Variants in ROR2 observed in about 807,000 individuals in gnomAD.
ROR2 encodes the protein ROR family WNT receptor 2, also known as tyrosine-protein kinase transmembrane receptor ROR2.
In ROR2, 33 loss-of-function variants were observed where a neutral mutation model predicts 74.9. The ratio of observed to expected loss-of-function variants is 0.44; its 90% CI spans 0.33 to 0.59. The LOEUF (loss-of-function observed/expected upper bound fraction) is 0.59, where lower values mean the gene tolerates loss of function less well. ROR2 is among the 20% of genes least tolerant of loss of function. The pLI, the probability that ROR2 is intolerant of heterozygous loss-of-function variation, is 0.02. For missense variants in ROR2, 1,216 were observed against 1,313.8 expected, an observed-to-expected ratio of 0.93 and a Z score of 1.15; for synonymous variants, 586 against 558.7, an observed-to-expected ratio of 1.05 and a Z score of -0.69.
At chr9:91,922,513 G>T (rs1564040776) in intron 1 of ROR2, among the ~76,000 whole-genome samples, 1 of 151,726 alleles carries the variant, frequency 6.6e-6, no homozygotes, top group East Asian at 1.9e-4. Context: ...GAGTGCAGTG[G>T]CATGATCTCA....
chr9:91,746,595 TG>T (rs1279377093), intron 4 of ROR2, among the ~76,000 whole-genome samples: 1 of 151,996 alleles, frequency 6.6e-6, no homozygotes, highest in Non-Finnish European at 1.5e-5. Context: ...TGGCGAGAGG[TG>T]CCTTCAAATC....
chr9:91,796,754 C>G (rs1259881979), intron 1 of ROR2, among the ~76,000 whole-genome samples: 1 of 148,054 alleles, frequency 6.8e-6, no homozygotes, highest in Admixed American at 6.7e-5. Flanking sequence ...GGGGCTGACA[C>G]CCTGCATTCT....
In ROR2 at chr9:91,757,513, G is replaced by A. The variant is rs778022378; in HGVS notation, c.222C>T (p.Val74=). 1.8e-5 allele frequency: 29 copies of A among 1,613,774 alleles called. No homozygotes were observed. The highest frequency in any genetic ancestry group is 2.4e-5 in the Non-Finnish European group (28 of 1,179,978). ...FLEPVNNITI[V]QGQTAILHCK... ...AGTGCAGAATTGCCGTCTGGCCTTG[G>A]ACAATGGTGATATTGTTTACTGGCT... Residue 74 remains valine (V), a synonymous_variant, in exon 3 of 9, where the codon GTC becomes GTT. Transcript: ENST00000375708.
At chr9:91,807,376 G>GTTA (rs2119086753) in intron 1 of ROR2, among the ~76,000 whole-genome samples, 1 of 152,316 alleles carries the variant, frequency 6.6e-6, no homozygotes, top group African/African-American at 2.4e-5. Flanking sequence ...CCTACACTGG[G>GTTA]GACCCTTCCA....
chr9:91,830,623 T>G (rs1281769825), intron 1 of ROR2, among the ~76,000 whole-genome samples: 1 of 152,156 alleles, frequency 6.6e-6, no homozygotes, highest in Admixed American at 6.5e-5. Flanking sequence ...AAACTGGGTA[T>G]AGTGGGCAAT....
At chr9:91,941,382 TTCACTAATGTG>T in intron 1 of ROR2, among the ~76,000 whole-genome samples, 1 of 152,336 alleles carries the variant, frequency 6.6e-6, no homozygotes, top group South Asian at 2.1e-4. Flanking sequence ...TTTGCCCAGG[TTCACTAATGTG>T]TCACTCTTGC....
rs544754984 is a variant in ROR2 at position 91,775,482 on chromosome 9, T to C, written c.175+259A>G. On this transcript the variant is annotated intron_variant, in intron 2 of 8. Coordinates refer to ENST00000375708, the MANE Select transcript of ROR2 (RefSeq NM_004560.4). Reference sequence around the variant, plus strand: ...AGCTCCTAAGGCTCCGCTCAGGCCCTTTCCCCATCTGCCAGGCCGCCATCT... The same window carrying C: ...AGCTCCTAAGGCTCCGCTCAGGCCCCTTCCCCATCTGCCAGGCCGCCATCT... Among the ~76,000 whole-genome samples, 245 of 152,080 alleles carry C rather than the reference T, an allele frequency of 1.6e-3. 1 individual carries two copies. Among genetic ancestry groups the C allele is most frequent in the African/African-American group, 5.7e-3 (237 of 41,480 alleles).
intron 1 of ROR2, among the ~76,000 whole-genome samples, chr9:91,847,588 A>G (rs1828968953): frequency 6.6e-6 from 1 of 151,748 alleles, no homozygotes; most frequent in South Asian, 2.1e-4. Flanking sequence ...CTTTCAAAGT[A>G]AGCCCAGGCA....
intron 1 of ROR2, among the ~76,000 whole-genome samples, chr9:91,902,690 G>GTCCC (rs776215059): frequency 1.4e-4 from 22 of 152,338 alleles, no homozygotes; most frequent in Non-Finnish European, 2.5e-4. Flanking sequence ...TAAGCTCACT[G>GTCCC]TAAGAAGAAA....
intron 1 of ROR2, among the ~76,000 whole-genome samples, chr9:91,855,830 C>T (rs1485313032): frequency 6.6e-6 from 1 of 152,026 alleles, no homozygotes; most frequent in Admixed American, 6.5e-5. Context: ...GGGGTCAGCA[C>T]CCCCAAGAGA....
intron 2 of ROR2, among the ~76,000 whole-genome samples, chr9:91,775,338 A>T (rs1442182596): frequency 6.6e-6 from 1 of 152,210 alleles, no homozygotes; most frequent in South Asian, 2.1e-4. Flanking sequence ...CTCTGACCAC[A>T]GGCCCAGGGG....
Position 91,729,501 on chromosome 9 carries a change from C to A in ROR2, c.1183+1409G>T, listed in dbSNP as rs1040978770. 1.2e-4 allele frequency among the ~76,000 whole-genome samples: 18 copies of A among 152,252 alleles called. 1 individual carries two copies. Among genetic ancestry groups the A allele is most frequent in the Admixed American group, 9.2e-4 (14 of 15,288 alleles). On this transcript the variant is annotated intron_variant, in intron 7 of 8. Coordinates refer to ENST00000375708, the MANE Select transcript of ROR2 (RefSeq NM_004560.4). The stretch of plus-strand genomic sequence containing the variant: ...CCAAATCTGGAGCTGCTGAATCACA[C>A]ATCAGGAAGGTCATTAGTGCCAGTG...
chr9:91,949,485 G>T (rs1832109531), intron 1 of ROR2, among the ~76,000 whole-genome samples: 1 of 152,034 alleles, frequency 6.6e-6, no homozygotes, highest in African/African-American at 2.4e-5. Context: ...AGACCTCGGG[G>T]AGGAAGCCCG....
At chr9:91,903,888 C>T (rs1253945868) in intron 1 of ROR2, among the ~76,000 whole-genome samples, 2 of 152,094 alleles carry the variant, frequency 1.3e-5, no homozygotes, top group Non-Finnish European at 2.9e-5. Context: ...AAACAATATC[C>T]ATTTAATTTC....
chr9:91,749,677 C>T (rs10992081), intron 4 of ROR2, among the ~76,000 whole-genome samples: 22,380 of 152,130 alleles, frequency 0.15, 1,789 homozygotes, highest in South Asian at 0.25. Context: ...AGCAGACCCC[C>T]ATCTATAGAA....
At chr9:91,774,328 A>T (rs537624194) in intron 2 of ROR2, among the ~76,000 whole-genome samples, 118 of 152,292 alleles carry the variant, frequency 7.7e-4, no homozygotes, top group Non-Finnish European at 1.5e-3. Flanking sequence ...TCCATGAGGA[A>T]GCTGTGCAGA....
chr9:91,856,372 T>C (rs1002174628), intron 1 of ROR2, among the ~76,000 whole-genome samples: 3 of 152,198 alleles, frequency 2.0e-5, no homozygotes, highest in African/African-American at 7.2e-5. Flanking sequence ...ATGCTGTAAG[T>C]TAAATTGCAT....
chr9:91,852,599 G>A (rs1439996144), intron 1 of ROR2, among the ~76,000 whole-genome samples: 1 of 137,544 alleles, frequency 7.3e-6, no homozygotes, highest in African/African-American at 3.1e-5. Context: ...AAAGGGCAGA[G>A]TTACAAATAA....
intron 1 of ROR2, among the ~76,000 whole-genome samples, chr9:91,795,004 C>T (rs373355626): frequency 4.0e-4 from 61 of 152,020 alleles, no homozygotes; most frequent in African/African-American, 1.5e-3. Context: ...CGCCTGTAAT[C>T]CCAGCTACTC....
Sources: allele counts gnomAD v4.1 joint callset (sites outside exome capture counted in the v4.1 genomes callset), GRCh38; gene constraint gnomAD v4.1.1; transcripts MANE v1.5; gene names NCBI Gene and HGNC (gene_info 2026-07-23, HGNC 2026-07-21).